TRAF5: variants seen among roughly 807,000 people sequenced by gnomAD.
TRAF5 encodes TNF receptor-associated factor 5.
Under a neutral mutation model 64.5 loss-of-function variants are expected in TRAF5, and 48 were observed. That is an observed-to-expected ratio of 0.74 (90% confidence interval 0.59 to 0.95). The LOEUF is 0.95. Ranked by LOEUF, TRAF5 falls within the 40% of genes least tolerant of loss-of-function variation. The pLI, the probability that TRAF5 is intolerant of heterozygous loss-of-function variation, is 0.00. For missense variants in TRAF5, 545 were observed against 662.8 expected (o/e 0.82, Z 1.95); for synonymous variants, 206 against 240.5 (o/e 0.86, Z 1.33).
At position 211,334,700 on chromosome 1, in the gene TRAF5, G is replaced by A. The variant is rs61851032; in HGVS notation, c.-2+7811G>A. ...CAAAACAAAACACATTGTTTACCTA[G>A]ATGGTTTAAGCACAGTGAGCCGCTC... On this transcript the variant is annotated intron_variant, in intron 1 of 10. Coordinates refer to ENST00000261464, the MANE Select transcript of TRAF5 (RefSeq NM_001033910.3). 9.5e-3 allele frequency among the ~76,000 whole-genome samples: 1,451 copies of A among 152,238 alleles called. 11 individuals are homozygous for A. Among genetic ancestry groups the A allele is most frequent in the Non-Finnish European group, 0.016 (1,060 of 68,022 alleles).
intron 1 of TRAF5, among the ~76,000 whole-genome samples, chr1:211,339,961 A>T (rs1377219635): frequency 1.3e-5 from 2 of 152,202 alleles, no homozygotes; most frequent in African/African-American, 4.8e-5. Context: ...GTGGATGAGC[A>T]TTTGTGGGAA....
intron 8 of TRAF5, among the ~76,000 whole-genome samples, chr1:211,367,082 A>G (rs1703378679): frequency 6.6e-6 from 1 of 152,228 alleles, no homozygotes; most frequent in South Asian, 2.1e-4. Context: ...CCTAGGCTCA[A>G]GAGATTCTCC....
At chr1:211,352,273 C>A (rs993391303) in intron 1 of TRAF5, among the ~76,000 whole-genome samples, 1 of 151,852 alleles carries the variant, frequency 6.6e-6, no homozygotes, top group Admixed American at 6.6e-5. Flanking sequence ...AGAGCTTGTG[C>A]AGGGAAACTC....
intron 1 of TRAF5, among the ~76,000 whole-genome samples, chr1:211,327,119 G>C (rs1412748393): frequency 6.6e-6 from 1 of 152,084 alleles, no homozygotes; most frequent in Non-Finnish European, 1.5e-5. Context: ...CCGACGGCCC[G>C]GGGACAGCGG....
chr1:211,359,662 C>T, intron 4 of TRAF5: 1 of 438,080 alleles, frequency 2.3e-6, no homozygotes, highest in Non-Finnish European at 4.1e-6. Context: ...ACCTATCTTC[C>T]CCTGTCCTCT....
intron 1 of TRAF5, among the ~76,000 whole-genome samples, chr1:211,334,408 C>T (rs937619563): frequency 3.9e-5 from 6 of 152,190 alleles, no homozygotes; most frequent in Non-Finnish European, 8.8e-5. Flanking sequence ...CCTGTAATCC[C>T]AGCACTTTGG....
intron 1 of TRAF5, among the ~76,000 whole-genome samples, chr1:211,346,663 A>G (rs1234847395): frequency 6.6e-6 from 1 of 152,252 alleles, no homozygotes; most frequent in Non-Finnish European, 1.5e-5. Flanking sequence ...TAGACAGAGC[A>G]GGATCTACCT....
chr1:211,337,506 T>C (rs1201129990), intron 1 of TRAF5, among the ~76,000 whole-genome samples: 1 of 152,102 alleles, frequency 6.6e-6, no homozygotes, highest in Non-Finnish European at 1.5e-5. Context: ...AATGGGGCCA[T>C]TGGAGCAGAG....
chr1:211,356,523 T>C, intron 4 of TRAF5, 55 bp downstream of exon 4: 2 of 1,469,370 alleles, frequency 1.4e-6, no homozygotes, highest in Non-Finnish European at 1.9e-6. Context: ...GGAATGTGTG[T>C]TGAACCCCTT....
In TRAF5 at chr1:211,353,330, A is replaced by G. The variant is rs374226783; in HGVS notation, c.91A>G (p.Ile31Val). The G allele has an allele frequency of 1.7e-5, 28 of 1,614,102 alleles. No individual in the cohort carries two copies. The highest frequency in any genetic ancestry group is 2.2e-5 in the Non-Finnish European group (26 of 1,180,036). The change falls in exon 2 of 11, where the codon ATA becomes GTA. Residue 31 changes from isoleucine to valine, a missense_variant. Coordinates refer to ENST00000261464, the MANE Select transcript of TRAF5 (RefSeq NM_001033910.3). The stretch of plus-strand genomic sequence containing the variant: ...CATTTCCTTGGACTTTGAGCCCAGT[A>G]TAGAGTACCAGTTTGTGGAGCGGTT... Reference protein sequence around the residue: ...NSISLDFEPSIEYQFVERLEE... With the variant: ...NSISLDFEPSVEYQFVERLEE...
chr1:211,364,971 G>A (rs1703303721), intron 7 of TRAF5, among the ~76,000 whole-genome samples: 1 of 151,974 alleles, frequency 6.6e-6, no homozygotes, highest in African/African-American at 2.4e-5. Context: ...TCAGGAGTTC[G>A]AGACCAGCCT....
intron 7 of TRAF5, among the ~76,000 whole-genome samples, chr1:211,361,424 C>G (rs535912998): frequency 6.6e-6 from 1 of 152,286 alleles, no homozygotes; most frequent in South Asian, 2.1e-4. Flanking sequence ...AATCTGGAAA[C>G]TCTGGCTGGA....
intron 1 of TRAF5, among the ~76,000 whole-genome samples, chr1:211,333,290 G>A (rs1330779825): frequency 6.6e-6 from 1 of 152,026 alleles, no homozygotes; most frequent in Non-Finnish European, 1.5e-5. Context: ...CCGGGTTCAA[G>A]CGATTCTCCT....
At chr1:211,332,802 C>T (rs1421980271) in intron 1 of TRAF5, among the ~76,000 whole-genome samples, 3 of 152,106 alleles carry the variant, frequency 2.0e-5, no homozygotes, top group Non-Finnish European at 4.4e-5. Context: ...TTTTAGTCAC[C>T]CTTAATGAAT....
In TRAF5 at chr1:211,338,100, C is replaced by T. The variant is rs1001595831; in HGVS notation, c.-2+11211C>T. ...TAAGAGAAGGTGACCTGGAAGCTGC[C>T]ACGATGATCTGACTGGTGCTCCTCA... On this transcript the variant is annotated intron_variant, in intron 1 of 10. Coordinates refer to ENST00000261464, the MANE Select transcript of TRAF5 (RefSeq NM_001033910.3). 2.0e-5 allele frequency among the ~76,000 whole-genome samples: 3 copies of T among 152,166 alleles called. No homozygotes were observed. In the South Asian group the frequency reaches 6.2e-4, roughly 32 times the overall value.
chr1:211,341,916 C>T (rs1185406443), intron 1 of TRAF5, among the ~76,000 whole-genome samples: 1 of 152,304 alleles, frequency 6.6e-6, no homozygotes, highest in Admixed American at 6.5e-5. Flanking sequence ...GCATGTCAGG[C>T]AGTCAGGTTA....
At chr1:211,364,568 C>T (rs1261144589) in intron 7 of TRAF5, among the ~76,000 whole-genome samples, 1 of 152,032 alleles carries the variant, frequency 6.6e-6, no homozygotes, top group Non-Finnish European at 1.5e-5. Flanking sequence ...TGCCTGTAAT[C>T]CCAGCTACTC....
chr1:211,365,415 T>A lies in TRAF5; in HGVS notation c.736T>A (p.Leu246Ile). Residue 246 changes from leucine to isoleucine, a missense_variant, in exon 8 of 11, where the codon TTA becomes ATA. By Grantham distance (5) the Leu-to-Ile change is conservative. Transcript: ENST00000261464. ...RNLQQHEHSA[L>I]REHMRLVLEK... ...CCTGCAGCAACATGAGCATTCAGCC[T>A]TACGGGAGCACATGCGTTTGGTTTT... 6.2e-7 allele frequency: 1 copy of A among 1,613,964 alleles called. No homozygotes were observed. Among genetic ancestry groups the A allele is most frequent in the Admixed American group, 1.7e-5 (1 of 60,006 alleles).
chr1:211,367,142 C>T (rs747257861), intron 8 of TRAF5, among the ~76,000 whole-genome samples: 2 of 152,100 alleles, frequency 1.3e-5, no homozygotes, highest in Admixed American at 1.3e-4. Flanking sequence ...CCACCACACT[C>T]GGCTAATTTT....
Sources: allele counts gnomAD v4.1 joint callset (sites outside exome capture counted in the v4.1 genomes callset), GRCh38; gene constraint gnomAD v4.1.1; transcripts MANE v1.5; gene names NCBI Gene and HGNC (gene_info 2026-07-23, HGNC 2026-07-21).